The following DPP10 variants were observed in gnomAD, a reference collection of about 807,000 sequenced individuals.
DPP10 encodes dipeptidyl peptidase like 10.
DPP10 carries 33 observed loss-of-function variants against 120.9 expected under a neutral mutation model. That is an observed-to-expected ratio of 0.27 (90% CI 0.21 to 0.37). DPP10 has a LOEUF of 0.37. DPP10 is among the 10% of genes least tolerant of loss of function. The probability of loss-of-function intolerance (pLI) is 1.00; values close to 1 mark genes in which losing one functional copy is unlikely to be tolerated. For missense variants in DPP10, 816 were observed against 942.8 expected (o/e 0.87, Z 1.76); for synonymous variants, 337 against 326.1 (o/e 1.03, Z -0.36).
chr2:115,316,831 G>A (rs959223378), intron 2 of DPP10, among the ~76,000 whole-genome samples: 3 of 152,164 alleles, frequency 2.0e-5, no homozygotes, highest in Admixed American at 6.6e-5. Context: ...GTTATGGTGG[G>A]GTTTGGTGGC....
intron 7 of DPP10, among the ~76,000 whole-genome samples, chr2:115,712,614 ACCCC>A: frequency 7.7e-6 from 1 of 130,004 alleles, no homozygotes; most frequent in Non-Finnish European, 1.6e-5. Context: ...TAGTTGTTTT[ACCCC>A]ACACTAGGGA....
At chr2:115,306,192 G>A (rs2061352053) in intron 1 of DPP10, among the ~76,000 whole-genome samples, 1 of 151,988 alleles carries the variant, frequency 6.6e-6, no homozygotes, top group African/African-American at 2.4e-5. Context: ...GTGTATTTTA[G>A]GCACTTTTCT....
intron 3 of DPP10, among the ~76,000 whole-genome samples, chr2:115,406,116 A>G (rs1383230341): frequency 6.6e-6 from 1 of 152,236 alleles, no homozygotes; most frequent in Non-Finnish European, 1.5e-5. Flanking sequence ...GCAGTTCACT[A>G]GCAGTTAGAA....
At chr2:115,172,935 A>G (rs2053456564) in intron 1 of DPP10, among the ~76,000 whole-genome samples, 2 of 152,208 alleles carry the variant, frequency 1.3e-5, no homozygotes, top group Admixed American at 1.3e-4. Context: ...TATGCAGATT[A>G]TATAGAGTCC....
At position 115,821,524 on chromosome 2, in the gene DPP10, C is replaced by CT. The variant is rs749892487; in HGVS notation, c.1950+5800dup. ...GAGAGAGAGAGAAATATGTTTTTATCTTTTTGCCAATTTCTGTATTTTTGT... is the reference window on the plus strand; with the variant it reads ...GAGAGAGAGAGAAATATGTTTTTATCTTTTTTGCCAATTTCTGTATTTTTGT... On this transcript the variant is annotated intron_variant, in intron 21 of 25. Transcript: ENST00000410059. Among the ~76,000 whole-genome samples, 226 of 151,912 alleles carry CT rather than the reference C, an allele frequency of 1.5e-3. 1 individual carries two copies. The highest frequency in any genetic ancestry group is 2.6e-3 in the Non-Finnish European group (175 of 67,852).
intron 1 of DPP10, among the ~76,000 whole-genome samples, chr2:114,654,647 T>C (rs1696839263): frequency 6.6e-6 from 1 of 151,852 alleles, no homozygotes. Flanking sequence ...AGATTATGAC[T>C]TTTTTTTTCT....
intron 3 of DPP10, among the ~76,000 whole-genome samples, chr2:115,380,341 T>G (rs1452907426): frequency 6.6e-6 from 1 of 152,218 alleles, no homozygotes; most frequent in Non-Finnish European, 1.5e-5. Context: ...TTTGTTGGTT[T>G]AAAGTATGTT....
intron 19 of DPP10, among the ~76,000 whole-genome samples, chr2:115,808,336 A>G (rs1313235190): frequency 6.6e-6 from 1 of 152,212 alleles, no homozygotes; most frequent in Non-Finnish European, 1.5e-5. Flanking sequence ...CTTCCCTGAG[A>G]AACGATGTTC....
At chr2:115,211,187 T>G (rs965077766) in intron 1 of DPP10, among the ~76,000 whole-genome samples, 2 of 152,070 alleles carry the variant, frequency 1.3e-5, no homozygotes, top group Non-Finnish European at 2.9e-5. Flanking sequence ...TGCAAAATCT[T>G]TTTCTCAGAA....
At position 115,269,741 on chromosome 2, in the gene DPP10, A is replaced by G. The variant is rs186853993; in HGVS notation, c.61-39498A>G. On this transcript the variant is annotated intron_variant, in intron 1 of 25. Transcript: ENST00000410059. ...CATTCCATCACTTCTGCCACTTTCT[A>G]TTGGTTTGTAGTAAGTCAGAAAGTC... Among the ~76,000 whole-genome samples the G allele has an allele frequency of 5.3e-5, 8 of 152,248 alleles. No individual in the cohort carries two copies. In the South Asian group the frequency reaches 8.3e-4, roughly 16 times the overall value.
At chr2:115,770,734 A>G (rs1445490227) in intron 13 of DPP10, among the ~76,000 whole-genome samples, 1 of 152,166 alleles carries the variant, frequency 6.6e-6, no homozygotes, top group Non-Finnish European at 1.5e-5. Flanking sequence ...ATTGACATAT[A>G]TGCACTATAA....
At chr2:114,567,957 C>G (rs1349707489) in intron 1 of DPP10, among the ~76,000 whole-genome samples, 2 of 150,526 alleles carry the variant, frequency 1.3e-5, no homozygotes, top group Non-Finnish European at 2.9e-5. Context: ...CAGCAAACCA[C>G]TATGACAGAT....
intron 1 of DPP10, among the ~76,000 whole-genome samples, chr2:114,975,913 A>G (rs1420842155): frequency 6.6e-6 from 1 of 152,210 alleles, no homozygotes; most frequent in Non-Finnish European, 1.5e-5. Context: ...GGCCTCCCAA[A>G]ATACTGGGAT....
In DPP10 at chr2:115,820,077, A is replaced by G. The variant is rs185788454; in HGVS notation, c.1950+4348A>G. 3.1e-3 allele frequency among the ~76,000 whole-genome samples: 467 copies of G among 152,324 alleles called. 3 individuals carry two copies. The highest frequency in any genetic ancestry group is 0.011 in the African/African-American group (454 of 41,562). Reference sequence around the variant, plus strand: ...TCTGAGGTATTTTTCACTACTACAGAGTACTTTTATTACCATATAGTGAAA... The same window carrying G: ...TCTGAGGTATTTTTCACTACTACAGGGTACTTTTATTACCATATAGTGAAA... On this transcript the variant is annotated intron_variant, in intron 21 of 25. Transcript: ENST00000410059.
At chr2:115,225,237 T>C (rs2057373568) in intron 1 of DPP10, among the ~76,000 whole-genome samples, 1 of 151,892 alleles carries the variant, frequency 6.6e-6, no homozygotes, top group African/African-American at 2.4e-5. Flanking sequence ...TCATGATAGC[T>C]CGCTCCAAGA....
chr2:115,774,223 C>CAT (rs1416455359), intron 13 of DPP10, among the ~76,000 whole-genome samples: 1 of 151,606 alleles, frequency 6.6e-6, no homozygotes, highest in African/African-American at 2.4e-5. Context: ...CACACACACA[C>CAT]ACACACACAC....
chr2:114,561,138 A>G (rs1573656635), intron 1 of DPP10, among the ~76,000 whole-genome samples: 2 of 152,228 alleles, frequency 1.3e-5, no homozygotes, highest in South Asian at 2.1e-4. Flanking sequence ...ACAGACCTGT[A>G]GGCTCTGCCT....
intron 3 of DPP10, among the ~76,000 whole-genome samples, chr2:115,399,995 G>A (rs932444504): frequency 6.6e-6 from 1 of 152,100 alleles, no homozygotes; most frequent in African/African-American, 2.4e-5. Context: ...CATGATGGAA[G>A]GTAAAAACAG....
intron 1 of DPP10, among the ~76,000 whole-genome samples, chr2:114,568,020 A>T (rs938986490): frequency 6.7e-6 from 1 of 150,178 alleles, no homozygotes; most frequent in African/African-American, 2.5e-5. Context: ...GGAACTTAAA[A>T]TTAAAAAAAA....
Sources: allele counts gnomAD v4.1 joint callset (sites outside exome capture counted in the v4.1 genomes callset), GRCh38; gene constraint gnomAD v4.1.1; transcripts MANE v1.5; gene names NCBI Gene and HGNC (gene_info 2026-07-23, HGNC 2026-07-21).